Variants in QTGAL observed in about 807,000 individuals in gnomAD.
QTGAL encodes BGnT-like protein 1.
At chr17:83,032,388 C>CA in the QTGAL span, among the ~76,000 whole-genome samples, 2 of 122,244 alleles carry the variant, frequency 1.6e-5, no homozygotes, top group South Asian at 2.5e-4. Flanking sequence ...AGACCGAGCT[C>CA]GGGAGCTGAA....
the QTGAL span, among the ~76,000 whole-genome samples, chr17:83,033,042 C>T: frequency 6.6e-6 from 1 of 152,218 alleles, no homozygotes; most frequent in African/African-American, 2.4e-5. Flanking sequence ...GGCCTGGAGA[C>T]GCTGAGCGGC....
At chr17:82,990,466 A>G in the QTGAL span, among the ~76,000 whole-genome samples, 1 of 152,292 alleles carries the variant, frequency 6.6e-6, no homozygotes, top group East Asian at 1.9e-4. Context: ...TGTCACTGCC[A>G]TATCACGTGG....
At chr17:83,023,696 C>T in the QTGAL span, among the ~76,000 whole-genome samples, 1 of 152,214 alleles carries the variant, frequency 6.6e-6, no homozygotes, top group Non-Finnish European at 1.5e-5. Flanking sequence ...AAGCACGTGG[C>T]CTCGTGTCCC....
chr17:82,950,832 C>T, the QTGAL span, among the ~76,000 whole-genome samples: 19 of 152,316 alleles, frequency 1.2e-4, no homozygotes, highest in African/African-American at 4.1e-4. Context: ...CTGGGCCTAA[C>T]GGTGGGCTTA....
At chr17:83,037,031 G>C in the QTGAL span, among the ~76,000 whole-genome samples, 40 of 152,204 alleles carry the variant, frequency 2.6e-4, no homozygotes, top group Admixed American at 7.9e-4. The surrounding 1 kb of genome is among the most constrained non-coding windows in gnomAD (Gnocchi z 5.2). Flanking sequence ...CTAGAAAAGA[G>C]GCTGGCAACA....
chr17:83,051,761 C>T, the QTGAL span: 1 of 1,496,974 alleles, frequency 6.7e-7, no homozygotes, highest in Admixed American at 2.1e-5. Context: ...TGGCCTGGCT[C>T]TCCTCGGACG....
chr17:83,024,936 C>T, the QTGAL span, among the ~76,000 whole-genome samples: 2 of 152,204 alleles, frequency 1.3e-5, no homozygotes, highest in South Asian at 2.1e-4. Flanking sequence ...TCAAAGCAGC[C>T]GGCAGCTGCA....
the QTGAL span, among the ~76,000 whole-genome samples, chr17:82,993,521 T>C: frequency 1.3e-5 from 2 of 152,002 alleles, no homozygotes; most frequent in South Asian, 2.1e-4. Context: ...TATAATAACA[T>C]CTGGAGACTT....
the QTGAL span, among the ~76,000 whole-genome samples, chr17:82,956,005 G>T: frequency 1.3e-4 from 20 of 152,018 alleles, no homozygotes; most frequent in African/African-American, 4.1e-4. This position sits in a 1 kb window ranked among gnomAD's most constrained non-coding sequence, Gnocchi z 5.7. Context: ...TTGGAGGGTG[G>T]GGGGCAAGGG....
chr17:82,953,212 C>T, the QTGAL span, among the ~76,000 whole-genome samples: 4 of 151,976 alleles, frequency 2.6e-5, no homozygotes, highest in Non-Finnish European at 5.9e-5. Flanking sequence ...GAGATAGAGA[C>T]ACAAAAATCC....
chr17:83,049,600 C>T, the QTGAL span, among the ~76,000 whole-genome samples: 1 of 151,916 alleles, frequency 6.6e-6, no homozygotes, highest in African/African-American at 2.4e-5. Context: ...TTTCGGCAAA[C>T]CATGTTAGAA....
the QTGAL span, among the ~76,000 whole-genome samples, chr17:83,015,679 G>A: frequency 4.6e-5 from 7 of 152,356 alleles, no homozygotes; most frequent in South Asian, 2.1e-4. The surrounding 1 kb of genome is among the most constrained non-coding windows in gnomAD (Gnocchi z 4.4). Context: ...AGGAGTGAGC[G>A]GCGGCCGGGC....
the QTGAL span, among the ~76,000 whole-genome samples, chr17:83,046,547 G>A: frequency 8.9e-4 from 136 of 152,348 alleles, no homozygotes; most frequent in African/African-American, 3.2e-3. Context: ...ACACCCACTA[G>A]CATGGCTATA....
At chr17:83,007,023 C>T in the QTGAL span, 71 of 372,410 alleles carry the variant, frequency 1.9e-4, no homozygotes, top group African/African-American at 1.4e-3. Flanking sequence ...CTGATGGCAC[C>T]GTGCTTTAAC....
the QTGAL span, among the ~76,000 whole-genome samples, chr17:83,013,629 C>G: frequency 6.6e-6 from 1 of 151,640 alleles, no homozygotes; most frequent in African/African-American, 2.4e-5. Flanking sequence ...TGTGACCTGA[C>G]CAGGATGTGA....
At chr17:82,991,755 T>C in the QTGAL span, among the ~76,000 whole-genome samples, 1 of 152,208 alleles carries the variant, frequency 6.6e-6, no homozygotes, top group Non-Finnish European at 1.5e-5. Flanking sequence ...CAGAGATATG[T>C]GACCTTTCAG....
chr17:83,019,425 G>C, the QTGAL span, among the ~76,000 whole-genome samples: 1 of 152,198 alleles, frequency 6.6e-6, no homozygotes, highest in African/African-American at 2.4e-5. Context: ...AAAACTAAAA[G>C]ATATAAGACA....
At chr17:83,026,271 C>A in the QTGAL span, among the ~76,000 whole-genome samples, 1 of 152,186 alleles carries the variant, frequency 6.6e-6, no homozygotes, top group African/African-American at 2.4e-5. Flanking sequence ...CTGGCAATTC[C>A]ACTTCCAGGT....
chr17:82,959,517 G>C, the QTGAL span, among the ~76,000 whole-genome samples: 1 of 152,012 alleles, frequency 6.6e-6, no homozygotes, highest in Non-Finnish European at 1.5e-5. Context: ...AGACGGCTGC[G>C]GGGACTTCCC....
Sources: allele counts gnomAD v4.1 joint callset (sites outside exome capture counted in the v4.1 genomes callset), GRCh38; gene constraint gnomAD v4.1.1; non-coding constraint Gnocchi (gnomAD v3.1); transcripts MANE v1.5; gene names NCBI Gene and HGNC (gene_info 2026-07-23, HGNC 2026-07-21).